MEF2D: variants seen among roughly 807,000 people sequenced by gnomAD.
MEF2D encodes the protein myocyte-specific enhancer factor 2D.
In MEF2D, 10 loss-of-function variants were observed where a neutral mutation model predicts 59.3. The observed-to-expected ratio is 0.17, with a 90% CI of 0.10 to 0.29. MEF2D has a LOEUF of 0.29. MEF2D is among the 10% of genes least tolerant of loss of function. The probability of loss-of-function intolerance (pLI) is 1.00; values close to 1 mark genes in which losing one functional copy is unlikely to be tolerated. For missense variants in MEF2D, 508 were observed against 699.4 expected (o/e 0.73, Z 3.09); for synonymous variants, 305 against 295.0 (o/e 1.03, Z -0.35).
chr1:156,471,164 T>A (rs1190194856), intron 9 of MEF2D, among the ~76,000 whole-genome samples: 1 of 152,174 alleles, frequency 6.6e-6, no homozygotes, highest in Non-Finnish European at 1.5e-5. Context: ...CAAGCAATTC[T>A]CCTGCCTCAA....
intron 6 of MEF2D, among the ~76,000 whole-genome samples, chr1:156,478,110 T>C (rs1196917202): frequency 1.3e-5 from 2 of 152,216 alleles, no homozygotes. Flanking sequence ...TTCCACATGC[T>C]GGACTCAAGG....
At chr1:156,496,124 AAG>A (rs1673115290) in intron 1 of MEF2D, among the ~76,000 whole-genome samples, 1 of 152,252 alleles carries the variant, frequency 6.6e-6, no homozygotes, top group African/African-American at 2.4e-5. Context: ...GCTCTCAGGA[AAG>A]AGAGGCTTGT....
At chr1:156,486,406 T>C (rs991644189) in intron 1 of MEF2D, among the ~76,000 whole-genome samples, 31 of 152,168 alleles carry the variant, frequency 2.0e-4, no homozygotes, top group African/African-American at 7.5e-4. Context: ...CTACAAATAG[T>C]TGGCTTTTTA....
intron 6 of MEF2D, among the ~76,000 whole-genome samples, chr1:156,478,201 C>A (rs575695341): frequency 6.6e-6 from 1 of 152,274 alleles, no homozygotes; most frequent in South Asian, 2.1e-4. Context: ...TATTCACCCA[C>A]CCCTTTAATT....
chr1:156,476,474 G>C lies in MEF2D; in HGVS notation c.876+20C>G. The stretch of plus-strand genomic sequence containing the variant: ...ACCCAGAATTCAAAGCCACAGCAAA[G>C]AGCTCACAGCCTCACTTACCAGATC... On this transcript the variant is annotated intron_variant, in intron 8 of 11. Coordinates refer to ENST00000348159, the MANE Select transcript of MEF2D (RefSeq NM_005920.4). 1 of 1,610,986 alleles carries C rather than the reference G, an allele frequency of 6.2e-7. No homozygotes were observed. The highest frequency in any genetic ancestry group is 8.5e-7 in the Non-Finnish European group (1 of 1,178,638).
Position 156,464,576 on chromosome 1 carries a change from C to T in MEF2D, c.*3069G>A, listed in dbSNP as rs964553546. The T allele has an allele frequency of 1.3e-5, 2 of 152,048 alleles. No individual in the cohort carries two copies. The highest frequency in any genetic ancestry group is 4.8e-5 in the African/African-American group (2 of 41,352). 9.4% of individuals were successfully genotyped at this position (152,048 alleles called of 1,614,324 possible). ...GTTCTTCAGAGGGAGTGGGTGGAGG[C>T]GAATTTGGCTTGAGAGGAAGAAGAC... On this transcript the variant is annotated 3_prime_UTR_variant, in exon 12 of 12. Coordinates refer to ENST00000348159, the MANE Select transcript of MEF2D (RefSeq NM_005920.4).
chr1:156,495,804 T>C (rs527514558), intron 1 of MEF2D, among the ~76,000 whole-genome samples: 4 of 115,588 alleles, frequency 3.5e-5, no homozygotes, highest in African/African-American at 1.3e-4. Flanking sequence ...TTTCCTCGTC[T>C]GCTCAGCTCC....
In MEF2D at chr1:156,467,521, A is replaced by G; in HGVS notation, c.*124T>C. The G allele has an allele frequency of 1.8e-6, 1 of 559,772 alleles. No homozygotes were observed. The highest frequency in any genetic ancestry group is 3.0e-6 in the Non-Finnish European group (1 of 337,122). 34.7% of individuals were successfully genotyped at this position (559,772 alleles called of 1,614,324 possible). A position where few individuals can be genotyped will look rare whatever the true frequency, so the allele number is the denominator to read the frequency against. On this transcript the variant is annotated 3_prime_UTR_variant, in exon 12 of 12. Coordinates refer to ENST00000348159, the MANE Select transcript of MEF2D (RefSeq NM_005920.4). The stretch of plus-strand genomic sequence containing the variant: ...ATAATTATACACAAATGTAACCGTC[A>G]ACAGGACACGAAGCACAAGAAAGGA...
At chr1:156,481,049 T>C in intron 3 of MEF2D, 78 bp from the exon 4 acceptor site, 1 of 1,590,342 alleles carries the variant, frequency 6.3e-7, no homozygotes, top group Non-Finnish European at 8.6e-7. Flanking sequence ...AGCCCCTCCC[T>C]AAGGGCCCCC....
At chr1:156,467,881 G>T in intron 11 of MEF2D, 112 bp downstream of exon 11, 1 of 1,382,120 alleles carries the variant, frequency 7.2e-7, no homozygotes, top group Non-Finnish European at 9.9e-7. Flanking sequence ...TGGCGGAAGG[G>T]GTAGCCGGCC....
At position 156,468,275 on chromosome 1, in the gene MEF2D, C is replaced by A; in HGVS notation, c.1272G>T (p.Val424=). 6.4e-7 allele frequency: 1 copy of A among 1,567,706 alleles called. No homozygotes were observed. Among genetic ancestry groups the A allele is most frequent in the Non-Finnish European group, 8.7e-7 (1 of 1,154,454 alleles). The change falls in exon 11 of 12, where the codon GTG becomes GTT. Residue 424 remains valine (V), a synonymous_variant. Transcript: ENST00000348159. The surrounding 1 kb of genome is among the most constrained non-coding windows in gnomAD (Gnocchi z 4.3). ...NLIPGSPLPH[V]GAALTVTTHP... ...GGGTGGTGACTGTGAGGGCAGCACC[C>A]ACGTGGGGCAGGGGGCTGCCCGGGC...
At chr1:156,480,792 C>T (rs1186610070) in intron 4 of MEF2D, 42 bp downstream of exon 4, 4 of 1,598,012 alleles carry the variant, frequency 2.5e-6, no homozygotes, top group Non-Finnish European at 3.4e-6. Flanking sequence ...GGGGAAGGGG[C>T]CGGAAGGGGG....
Position 156,468,323 on chromosome 1 carries a change from G to T in MEF2D, c.1248-24C>A. 6.6e-7 allele frequency: 1 copy of T among 1,516,596 alleles called. No homozygotes were observed. Among genetic ancestry groups the T allele is most frequent in the Non-Finnish European group, 8.9e-7 (1 of 1,129,816 alleles). The allele number at this position is 1,516,596 out of a possible 1,614,324, so 93.9% of individuals were successfully genotyped here. A position where few individuals can be genotyped will look rare whatever the true frequency, so the allele number is the denominator to read the frequency against. The stretch of plus-strand genomic sequence containing the variant: ...GGCTGGAGGCAGGCAATGGAAATGG[G>T]GTACAAGGGATAAAAACAGAGGGGG... On this transcript the variant is annotated intron_variant, in intron 10 of 11. Coordinates refer to ENST00000348159, the MANE Select transcript of MEF2D (RefSeq NM_005920.4). This position sits in a 1 kb window ranked among gnomAD's most constrained non-coding sequence, Gnocchi z 4.3.
chr1:156,485,906 G>A (rs1672329756), intron 1 of MEF2D, among the ~76,000 whole-genome samples: 1 of 151,118 alleles, frequency 6.6e-6, no homozygotes, highest in Non-Finnish European at 1.5e-5. Flanking sequence ...CTGGAGTGCA[G>A]TGGCGTGATC....
chr1:156,481,860 G>T (rs951659008), intron 3 of MEF2D, among the ~76,000 whole-genome samples: 9 of 152,222 alleles, frequency 5.9e-5, no homozygotes, highest in African/African-American at 2.2e-4. Context: ...TTTTGTGGAG[G>T]TGGGCACCAA....
intron 2 of MEF2D, 24 bp downstream of exon 2, chr1:156,483,215 C>T (rs1341902390): frequency 9.3e-6 from 15 of 1,613,688 alleles, no homozygotes; most frequent in African/African-American, 2.7e-5. Flanking sequence ...TCACCCACTT[C>T]GTACGGCTCT....
At chr1:156,481,055 C>T in intron 3 of MEF2D, 84 bp from the exon 4 acceptor site, 2 of 1,576,490 alleles carry the variant, frequency 1.3e-6, no homozygotes, top group South Asian at 2.3e-5. Flanking sequence ...TCCCTAAGGG[C>T]CCCCTACTCT....
intron 6 of MEF2D, among the ~76,000 whole-genome samples, chr1:156,478,844 T>C (rs900534116): frequency 5.3e-5 from 8 of 152,236 alleles, no homozygotes; most frequent in South Asian, 4.1e-4. Context: ...CTGTGGCTTA[T>C]GTATGTGTGC....
Position 156,480,835 on chromosome 1 carries a change from C to T in MEF2D, c.395G>A (p.Gly132Glu). 6.3e-7 allele frequency: 1 copy of T among 1,593,582 alleles called. No homozygotes were observed. The highest frequency in any genetic ancestry group is 8.5e-7 in the Non-Finnish European group (1 of 1,170,418). ...AGAGACAGAGTGAGTGGGGCTCACC[C>T]CATAGCGCCGGAAGAGCCCGTCGAG... is the stretch of plus-strand genomic sequence containing the variant. ...EELDGLFRRY[G>E]STVPAPNFAM... Residue 132 changes from glycine (G) to glutamate (E), a missense_variant and splice_region_variant, in exon 4 of 12, where the codon GGG (glycine) becomes GAG (glutamate). Physicochemically the swap from Gly to Glu is moderately conservative, Grantham distance 98. Coordinates refer to ENST00000348159, the MANE Select transcript of MEF2D (RefSeq NM_005920.4).
Sources: allele counts gnomAD v4.1 joint callset (sites outside exome capture counted in the v4.1 genomes callset), GRCh38; gene constraint gnomAD v4.1.1; non-coding constraint Gnocchi (gnomAD v3.1); transcripts MANE v1.5; gene names NCBI Gene and HGNC (gene_info 2026-07-23, HGNC 2026-07-21).